The following BRWD3 variants were observed in gnomAD, a reference collection of about 807,000 sequenced individuals.
BRWD3 encodes bromodomain and WD repeat-containing protein 3.
Under a neutral mutation model 149.7 loss-of-function variants are expected in BRWD3, and 10 were observed. The ratio of observed to expected loss-of-function variants is 0.07; its 90% CI spans 0.04 to 0.11. BRWD3 has a LOEUF of 0.11. Ranked by LOEUF, BRWD3 falls within the 10% of genes least tolerant of loss-of-function variation. BRWD3 has a pLI of 1.00. For synonymous variants in BRWD3, 504 were observed against 456.7 expected (o/e 1.10, Z -1.32); for missense variants, 940 against 1,373.2 (o/e 0.68, Z 4.99).
At chrX:80,722,194 G>A (rs1403246230) in intron 17 of BRWD3, among the ~76,000 whole-genome samples, 4 of 111,799 alleles carry the variant, frequency 3.6e-5, no homozygotes, top group Non-Finnish European at 7.5e-5. Flanking sequence ...AATTAACTAT[G>A]AACTCTCAAA....
At chrX:80,789,885 A>G (rs2074160461) in intron 6 of BRWD3, among the ~76,000 whole-genome samples, 1 of 107,542 alleles carries the variant, frequency 9.3e-6, no homozygotes, top group South Asian at 4.2e-4. Flanking sequence ...AGAACTTTCA[A>G]GAGGATATAC....
chrX:80,733,129 CAAAA>C (rs199514397), intron 12 of BRWD3: 56 of 81,663 alleles, frequency 6.9e-4, no homozygotes, highest in Middle Eastern at 4.7e-3. Context: ...GACACCGTCT[CAAAA>C]AAAAAAAAAA....
chrX:80,716,124 G>C (rs918416112), intron 20 of BRWD3, 33 bp downstream of exon 20: 2 of 1,082,319 alleles, frequency 1.8e-6, no homozygotes. Context: ...TCTGCAAATA[G>C]TGTATCCCAA....
At chrX:80,696,545 C>CACAT (rs1239499488) in intron 26 of BRWD3, among the ~76,000 whole-genome samples, 194 bp downstream of exon 26, 1 of 108,870 alleles carries the variant, frequency 9.2e-6, no homozygotes, top group Non-Finnish European at 1.9e-5. Context: ...CACACACACA[C>CACAT]ACACACACAC....
intron 6 of BRWD3, among the ~76,000 whole-genome samples, chrX:80,754,650 A>G (rs1283427122): frequency 8.9e-6 from 1 of 112,188 alleles, no homozygotes; most frequent in Non-Finnish European, 1.9e-5. Flanking sequence ...TTTATCATAC[A>G]TGCCCTTTAT....
intron 6 of BRWD3, among the ~76,000 whole-genome samples, chrX:80,772,722 C>T (rs1050559592): frequency 9.0e-6 from 1 of 110,798 alleles, no homozygotes; most frequent in African/African-American, 3.3e-5. Flanking sequence ...CCATATGATC[C>T]CCAATTACAA....
chrX:80,802,796 C>T (rs2074313941), intron 4 of BRWD3, among the ~76,000 whole-genome samples: 1 of 110,743 alleles, frequency 9.0e-6, no homozygotes, highest in Admixed American at 9.7e-5. Context: ...CTACTACTCA[C>T]AAAATCCCAT....
At chrX:80,687,262 T>C in intron 34 of BRWD3, among the ~76,000 whole-genome samples, 1 of 111,369 alleles carries the variant, frequency 9.0e-6, no homozygotes, top group East Asian at 2.8e-4. Context: ...CTTCAAATAA[T>C]GTACAGAGGA....
intron 8 of BRWD3, among the ~76,000 whole-genome samples, chrX:80,741,806 AT>A (rs1468796863): frequency 8.9e-6 from 1 of 111,799 alleles, no homozygotes; most frequent in Non-Finnish European, 1.9e-5. Flanking sequence ...GATTCTGGAT[AT>A]TAGCCCTTTG....
intron 18 of BRWD3, among the ~76,000 whole-genome samples, chrX:80,718,201 AT>A (rs756701423): frequency 7.2e-5 from 8 of 111,761 alleles, no homozygotes; most frequent in East Asian, 5.5e-4. Context: ...GTAAATAAAT[AT>A]TTTTTTAAAT....
At chrX:80,786,881 A>T (rs1474140931) in intron 6 of BRWD3, among the ~76,000 whole-genome samples, 1 of 111,810 alleles carries the variant, frequency 8.9e-6, no homozygotes, top group Non-Finnish European at 1.9e-5. Flanking sequence ...AAGAAAAAGA[A>T]ATAGAAGGCA....
At chrX:80,687,595 T>C (rs778053828) in intron 34 of BRWD3, among the ~76,000 whole-genome samples, 31 of 111,393 alleles carry the variant, frequency 2.8e-4, no homozygotes, top group African/African-American at 8.8e-4. Context: ...ATTTGGGAAC[T>C]TGGCATTTGA....
chrX:80,793,907 G>A (rs1476618576), intron 4 of BRWD3, 135 bp from the exon 5 acceptor site: 55 of 675,840 alleles, frequency 8.1e-5, no homozygotes, highest in Non-Finnish European at 1.1e-4. Flanking sequence ...GCCTGGGCGC[G>A]ATGGCTCACG....
intron 6 of BRWD3, among the ~76,000 whole-genome samples, chrX:80,771,769 A>G (rs1205166259): frequency 1.8e-5 from 2 of 112,080 alleles, no homozygotes; most frequent in Non-Finnish European, 3.8e-5. Flanking sequence ...ACAAATTTAC[A>G]AGAGAAAAAC....
intron 4 of BRWD3, among the ~76,000 whole-genome samples, chrX:80,798,625 GAA>G (rs200157039): frequency 1.3e-3 from 132 of 100,234 alleles, no homozygotes; most frequent in Non-Finnish European, 2.1e-3. Context: ...ATAATACGGG[GAA>G]AAAAAAAAAA....
chrX:80,768,513 T>C (rs1265634001), intron 6 of BRWD3, among the ~76,000 whole-genome samples: 2 of 111,286 alleles, frequency 1.8e-5, no homozygotes, highest in East Asian at 5.7e-4. Flanking sequence ...TAAAATACTT[T>C]ACAGACAAGC....
intron 8 of BRWD3, among the ~76,000 whole-genome samples, chrX:80,741,297 T>A (rs1045652986): frequency 1.8e-5 from 2 of 112,217 alleles, no homozygotes; most frequent in South Asian, 7.4e-4. Context: ...ATTTTCTTAA[T>A]CCAGTCTATC....
At chrX:80,735,867 G>A (rs1280281274) in intron 9 of BRWD3, 121 bp downstream of exon 9, 1 of 413,514 alleles carries the variant, frequency 2.4e-6, no homozygotes, top group Non-Finnish European at 4.2e-6. Context: ...GTATGGATAT[G>A]TATACACAAA....
chrX:80,774,709 A>AT (rs761487816), intron 6 of BRWD3, among the ~76,000 whole-genome samples: 29 of 111,348 alleles, frequency 2.6e-4, no homozygotes, highest in Non-Finnish European at 5.5e-4. Flanking sequence ...CTAACAGATT[A>AT]TTTTTTATTC....
Sources: allele counts gnomAD v4.1 joint callset (sites outside exome capture counted in the v4.1 genomes callset), GRCh38; gene constraint gnomAD v4.1.1; transcripts MANE v1.5; gene names NCBI Gene and HGNC (gene_info 2026-07-23, HGNC 2026-07-21).